Variants in SSBP3 observed in about 807,000 individuals in gnomAD.
SSBP3 encodes single-stranded DNA-binding protein 3.
Under a neutral mutation model 69.6 loss-of-function variants are expected in SSBP3, and 5 were observed. The observed-to-expected ratio is 0.07, with a 90% CI of 0.04 to 0.15. The LOEUF (loss-of-function observed/expected upper bound fraction) is 0.15, where lower values mean the gene tolerates loss of function less well. Ranked by LOEUF, SSBP3 falls within the 10% of genes least tolerant of loss-of-function variation. SSBP3 has a pLI of 1.00. For synonymous variants in SSBP3, 196 were observed against 193.4 expected, an observed-to-expected ratio of 1.01 and a Z score of -0.11; for missense variants, 312 against 534.0, an observed-to-expected ratio of 0.58 and a Z score of 4.10.
chr1:54,389,096 G>A (rs1174336153), intron 4 of SSBP3, among the ~76,000 whole-genome samples: 1 of 152,146 alleles, frequency 6.6e-6, no homozygotes, highest in Non-Finnish European at 1.5e-5. Context: ...ATGTTTTTCT[G>A]TTGACTAGAA....
At chr1:54,339,563 A>T (rs1051275034) in intron 4 of SSBP3, among the ~76,000 whole-genome samples, 13 of 151,928 alleles carry the variant, frequency 8.6e-5, no homozygotes, top group African/African-American at 3.1e-4. Flanking sequence ...GCACATAGTA[A>T]CCACTAAAAA....
intron 5 of SSBP3, among the ~76,000 whole-genome samples, chr1:54,266,861 G>A (rs563468028): frequency 6.6e-5 from 10 of 152,190 alleles, no homozygotes; most frequent in Non-Finnish European, 1.3e-4. Flanking sequence ...CTTGGCCACT[G>A]CTCCCGAATA....
intron 4 of SSBP3, among the ~76,000 whole-genome samples, chr1:54,332,898 G>C (rs751459679): frequency 1.3e-5 from 2 of 152,180 alleles, no homozygotes; most frequent in Non-Finnish European, 2.9e-5. Context: ...GGGTCAGGAG[G>C]GGAGTAAGCA....
chr1:54,402,482 C>T (rs943956677), intron 3 of SSBP3, among the ~76,000 whole-genome samples: 2 of 152,182 alleles, frequency 1.3e-5, no homozygotes, highest in African/African-American at 4.8e-5. Flanking sequence ...TTTACAGGCT[C>T]TTAATCCCAG....
intron 13 of SSBP3, among the ~76,000 whole-genome samples, chr1:54,240,653 G>T (rs1644617320): frequency 6.6e-6 from 1 of 152,054 alleles, no homozygotes; most frequent in Non-Finnish European, 1.5e-5. Flanking sequence ...CAACAAAAGG[G>T]ATTCAAAGGC....
At chr1:54,290,422 A>C (rs990084065) in intron 4 of SSBP3, among the ~76,000 whole-genome samples, 5 of 152,354 alleles carry the variant, frequency 3.3e-5, no homozygotes, top group African/African-American at 1.2e-4. Flanking sequence ...ACGTCCTAAG[A>C]TTCCCTGACC....
At chr1:54,372,158 G>A (rs1040223055) in intron 4 of SSBP3, among the ~76,000 whole-genome samples, 13 of 152,194 alleles carry the variant, frequency 8.5e-5, no homozygotes, top group African/African-American at 2.9e-4. Flanking sequence ...TGCCGTGTAA[G>A]CCCTGACAAA....
At chr1:54,302,224 C>A (rs1645815529) in intron 4 of SSBP3, among the ~76,000 whole-genome samples, 1 of 152,226 alleles carries the variant, frequency 6.6e-6, no homozygotes, top group South Asian at 2.1e-4. Context: ...GTAGCACCTA[C>A]CCCCTGCCCC....
At chr1:54,393,784 G>C (rs1403972851) in intron 4 of SSBP3, among the ~76,000 whole-genome samples, 1 of 152,014 alleles carries the variant, frequency 6.6e-6, no homozygotes, top group African/African-American at 2.4e-5. Flanking sequence ...TTTTGAGACT[G>C]AGTCTCGCTC....
chr1:54,295,021 T>C (rs555305760), intron 4 of SSBP3, among the ~76,000 whole-genome samples: 7 of 152,196 alleles, frequency 4.6e-5, no homozygotes, highest in African/African-American at 1.7e-4. Context: ...ATAGCAGACA[T>C]GGTTTTTGCA....
At chr1:54,230,393 C>G (rs534799444) in intron 14 of SSBP3, among the ~76,000 whole-genome samples, 1 of 152,356 alleles carries the variant, frequency 6.6e-6, no homozygotes, top group East Asian at 1.9e-4. Flanking sequence ...CATGATAATA[C>G]AGATTTATGC....
chr1:54,379,849 CT>C (rs956886625), intron 4 of SSBP3, among the ~76,000 whole-genome samples: 5 of 152,240 alleles, frequency 3.3e-5, no homozygotes, highest in African/African-American at 1.2e-4. Flanking sequence ...CGTCCCTGCC[CT>C]TCCTGCAAGA....
At chr1:54,280,378 T>A (rs1369952197) in intron 5 of SSBP3, among the ~76,000 whole-genome samples, 1 of 152,232 alleles carries the variant, frequency 6.6e-6, no homozygotes, top group Admixed American at 6.5e-5. Flanking sequence ...GCACAGGTGC[T>A]AAATTCTGGC....
intron 4 of SSBP3, among the ~76,000 whole-genome samples, chr1:54,377,265 C>T (rs368898479): frequency 6.6e-6 from 1 of 152,222 alleles, no homozygotes. Flanking sequence ...CTCCCTTTCC[C>T]CACAAGGTCT....
chr1:54,408,273 A>G (rs1018372368), upstream of SSBP3, among the ~76,000 whole-genome samples: 1 of 152,212 alleles, frequency 6.6e-6, no homozygotes, highest in Non-Finnish European at 1.5e-5. Flanking sequence ...GAATACAAGG[A>G]TAGGGGAGAG....
At chr1:54,315,686 G>T (rs1211945389) in intron 4 of SSBP3, among the ~76,000 whole-genome samples, 1 of 151,518 alleles carries the variant, frequency 6.6e-6, no homozygotes, top group African/African-American at 2.4e-5. Flanking sequence ...TAAAGACAGG[G>T]TCTCTTGCTC....
At chr1:54,315,292 G>A (rs1422710852) in intron 4 of SSBP3, among the ~76,000 whole-genome samples, 1 of 152,086 alleles carries the variant, frequency 6.6e-6, no homozygotes, top group East Asian at 1.9e-4. Flanking sequence ...ACAAGACCAT[G>A]CCTGGTCTAC....
chr1:54,251,960 T>A, intron 7 of SSBP3, 100 bp from the exon 8 acceptor site: 1 of 1,013,398 alleles, frequency 9.9e-7, no homozygotes, highest in Non-Finnish European at 1.5e-6. Context: ...TGTGATCACG[T>A]GGAGCCACTC....
chr1:54,232,507 A>G (rs1010348997), intron 14 of SSBP3, among the ~76,000 whole-genome samples: 14 of 152,132 alleles, frequency 9.2e-5, no homozygotes, highest in Non-Finnish European at 1.9e-4. Context: ...AGGCAGGAGG[A>G]TCACCTGAGC....
Sources: gnomAD v4.1 joint callset for allele counts (sites outside exome capture counted in the v4.1 genomes callset) on GRCh38, gnomAD v4.1.1 for gene constraint, MANE v1.5 for transcripts, NCBI Gene and HGNC (gene_info 2026-07-23, HGNC 2026-07-21) for gene names.